PDE4D: variants seen among roughly 807,000 people sequenced by gnomAD.
PDE4D encodes the protein phosphodiesterase 4D.
PDE4D carries 24 observed loss-of-function variants against 87.4 expected under a neutral mutation model. That is an observed-to-expected ratio of 0.27 (90% CI 0.20 to 0.39). PDE4D has a LOEUF of 0.39. PDE4D is among the 10% of genes least tolerant of loss of function. The pLI, the probability that PDE4D is intolerant of heterozygous loss-of-function variation, is 1.00. For missense variants in PDE4D, 714 were observed against 1,041.0 expected (o/e 0.69, Z 4.32); for synonymous variants, 384 against 383.2 (o/e 1.00, Z -0.02).
intron 2 of PDE4D, among the ~76,000 whole-genome samples, chr5:60,125,376 T>C (rs961717085): frequency 9.2e-5 from 14 of 152,118 alleles, no homozygotes; most frequent in African/African-American, 3.4e-4. Context: ...AGATCTTATC[T>C]TTCTCACCGT....
intron 3 of PDE4D, among the ~76,000 whole-genome samples, chr5:59,984,850 G>A (rs1762261222): frequency 1.3e-5 from 2 of 152,046 alleles, no homozygotes; most frequent in Admixed American, 1.3e-4. Context: ...AGAGCAAAAG[G>A]CTATGATGTT....
intron 1 of PDE4D, among the ~76,000 whole-genome samples, chr5:60,382,901 A>G (rs908940741): frequency 1.3e-5 from 2 of 152,178 alleles, no homozygotes; most frequent in Non-Finnish European, 1.5e-5. Context: ...GTTCCAGTCC[A>G]TCATCTTAGG....
chr5:59,950,822 T>C (rs560205085), intron 3 of PDE4D, among the ~76,000 whole-genome samples: 3 of 152,260 alleles, frequency 2.0e-5, no homozygotes, highest in African/African-American at 7.2e-5. Context: ...TTCTGGATAA[T>C]TTAAAGCTTA....
At chr5:59,514,002 T>A (rs1404451238) in intron 1 of PDE4D, among the ~76,000 whole-genome samples, 1 of 152,198 alleles carries the variant, frequency 6.6e-6, no homozygotes, top group African/African-American at 2.4e-5. Flanking sequence ...GCTAAATCAC[T>A]GCAGAATTCA....
At chr5:59,284,712 G>T (rs1423213630) in intron 1 of PDE4D, among the ~76,000 whole-genome samples, 2 of 115,250 alleles carry the variant, frequency 1.7e-5, no homozygotes, top group Non-Finnish European at 3.6e-5. Flanking sequence ...CCATTACTGG[G>T]TATATACCCA....
chr5:59,882,404 ATG>A (rs1749556608), intron 1 of PDE4D, among the ~76,000 whole-genome samples: 1 of 152,172 alleles, frequency 6.6e-6, no homozygotes, highest in Non-Finnish European at 1.5e-5. Flanking sequence ...CTTTTACTTT[ATG>A]TTTTAATGAT....
At chr5:59,275,303 G>C in intron 1 of PDE4D, 2 of 1,540,792 alleles carry the variant, frequency 1.3e-6, no homozygotes, top group Non-Finnish European at 1.8e-6. Flanking sequence ...TCTTAAAAGA[G>C]AAAAGGGGAA....
chr5:59,909,680 T>C (rs1168342838), intron 3 of PDE4D, among the ~76,000 whole-genome samples: 4 of 152,150 alleles, frequency 2.6e-5, no homozygotes, highest in Non-Finnish European at 4.4e-5. Flanking sequence ...CCACTGCACC[T>C]GGCCCTTAGG....
At chr5:60,071,201 A>T (rs1289367417) in intron 2 of PDE4D, among the ~76,000 whole-genome samples, 1 of 151,766 alleles carries the variant, frequency 6.6e-6, no homozygotes, top group East Asian at 1.9e-4. Context: ...TTTCTGCTCA[A>T]ATCTTTGTTA....
At chr5:59,378,531 G>A (rs1785136249) in intron 1 of PDE4D, among the ~76,000 whole-genome samples, 1 of 152,114 alleles carries the variant, frequency 6.6e-6, no homozygotes, top group African/African-American at 2.4e-5. Flanking sequence ...CAAGAAAAGT[G>A]TTAGAAAAAT....
chr5:60,403,141 G>A (rs1482827966), intron 1 of PDE4D, among the ~76,000 whole-genome samples: 1 of 152,218 alleles, frequency 6.6e-6, no homozygotes, highest in Non-Finnish European at 1.5e-5. Flanking sequence ...CAGATCAGAG[G>A]TGTTTCCACT....
At position 59,484,867 on chromosome 5, in the gene PDE4D, C is replaced by G. The variant is rs76400837; in HGVS notation, c.456-268899G>C. On this transcript the variant is annotated intron_variant, in intron 1 of 14. Coordinates refer to ENST00000340635, the MANE Select transcript of PDE4D (RefSeq NM_001104631.2). ...TGTAATGTGGGTCAACTCTGAATTTCTCTGAGAGTTCTAAAAGTCTACGAT... is the reference window on the plus strand; with the variant it reads ...TGTAATGTGGGTCAACTCTGAATTTGTCTGAGAGTTCTAAAAGTCTACGAT... Among the ~76,000 whole-genome samples the G allele has an allele frequency of 4.8e-3, 723 of 151,932 alleles. 8 individuals are homozygous for G. Among genetic ancestry groups the G allele is most frequent in the African/African-American group, 0.017 (695 of 41,212 alleles).
chr5:59,981,356 T>C (rs542550880), intron 3 of PDE4D, among the ~76,000 whole-genome samples: 2 of 152,282 alleles, frequency 1.3e-5, no homozygotes, highest in East Asian at 3.9e-4. Context: ...AATAAAAGGC[T>C]TGTGATATTT....
chr5:59,358,593 T>A (rs1462580300), intron 1 of PDE4D, among the ~76,000 whole-genome samples: 1 of 152,130 alleles, frequency 6.6e-6, no homozygotes, highest in Non-Finnish European at 1.5e-5. Flanking sequence ...CCTGGCAGAG[T>A]TAGCACTGAG....
chr5:59,770,818 A>C (rs766320627), intron 1 of PDE4D, among the ~76,000 whole-genome samples: 1 of 152,128 alleles, frequency 6.6e-6, no homozygotes, highest in African/African-American at 2.4e-5. Flanking sequence ...AGACACTATA[A>C]TGGGTGCTCT....
intron 2 of PDE4D, among the ~76,000 whole-genome samples, chr5:60,025,561 T>C (rs1766537836): frequency 6.6e-6 from 1 of 152,166 alleles, no homozygotes; most frequent in African/African-American, 2.4e-5. Context: ...TAGAAAATTT[T>C]ACAATATACC....
intron 1 of PDE4D, among the ~76,000 whole-genome samples, chr5:59,646,925 C>T (rs1345605634): frequency 6.6e-6 from 1 of 152,142 alleles, no homozygotes; most frequent in Non-Finnish European, 1.5e-5. Flanking sequence ...GTCCCAGCTA[C>T]TCGAGAGGCT....
chr5:60,154,219 A>G (rs1781764778), intron 2 of PDE4D, among the ~76,000 whole-genome samples: 1 of 152,206 alleles, frequency 6.6e-6, no homozygotes, highest in Non-Finnish European at 1.5e-5. Context: ...TATGTATCAC[A>G]TGGTAAGCTC....
chr5:59,378,122 C>A (rs1053998465), intron 1 of PDE4D, among the ~76,000 whole-genome samples: 4 of 152,138 alleles, frequency 2.6e-5, no homozygotes, highest in Admixed American at 6.5e-5. Flanking sequence ...GAGATCATGT[C>A]CTTTGCAGGA....
Sources: gnomAD v4.1 joint callset for allele counts (sites outside exome capture counted in the v4.1 genomes callset) on GRCh38, gnomAD v4.1.1 for gene constraint, MANE v1.5 for transcripts, NCBI Gene and HGNC (gene_info 2026-07-23, HGNC 2026-07-21) for gene names.